The following ZNF654 variants were observed in gnomAD, a reference collection of about 807,000 sequenced individuals.
ZNF654 encodes the protein melanoma-associated antigen.
Under a neutral mutation model 95.3 loss-of-function variants are expected in ZNF654, and 19 were observed. The observed-to-expected ratio is 0.20, with a 90% CI of 0.14 to 0.29. ZNF654 has a LOEUF of 0.29. Ranked by LOEUF, ZNF654 falls within the 10% of genes least tolerant of loss-of-function variation. The pLI, the probability that ZNF654 is intolerant of heterozygous loss-of-function variation, is 1.00. For missense variants in ZNF654, 1,046 were observed against 1,341.0 expected, an observed-to-expected ratio of 0.78 and a Z score of 3.44; for synonymous variants, 413 against 457.9, an observed-to-expected ratio of 0.90 and a Z score of 1.25.
Position 88,129,782 on chromosome 3 carries a change from C to A in ZNF654, c.849C>A (p.Ser283=). ...KTMLALQLCE[S]FLIPQLQNGD... ...TGTTAGCCTTGCAACTCTGTGAATC[C>A]TTTCTTATTCCACAGCTCCAGAATG... Residue 283 remains serine, a synonymous_variant, in exon 6 of 9, where the codon TCC becomes TCA. Coordinates refer to ENST00000636215, the MANE Select transcript of ZNF654 (RefSeq NM_001350134.2). 6.6e-7 allele frequency: 1 copy of A among 1,526,470 alleles called. No homozygotes were observed. The highest frequency in any genetic ancestry group is 8.8e-7 in the Non-Finnish European group (1 of 1,140,472). 94.6% of individuals were successfully genotyped at this position (1,526,470 alleles called of 1,614,324 possible). A position where few individuals can be genotyped will look rare whatever the true frequency, so the allele number is the denominator to read the frequency against.
intron 2 of ZNF654, chr3:88,095,404 C>T: frequency 3.0e-6 from 1 of 329,104 alleles, no homozygotes. Flanking sequence ...GGGATCACCC[C>T]CTTTTAGCCC....
intron 1 of ZNF654, among the ~76,000 whole-genome samples, chr3:88,077,787 C>T (rs1707893674): frequency 1.3e-5 from 2 of 152,246 alleles, no homozygotes; most frequent in South Asian, 2.1e-4. Context: ...TGTCAAATAT[C>T]TTGGTTCAAA....
intron 1 of ZNF654, among the ~76,000 whole-genome samples, chr3:88,065,191 A>T (rs559170863): frequency 1.4e-4 from 21 of 152,364 alleles, no homozygotes; most frequent in African/African-American, 4.8e-4. Context: ...CCCTGGAAAG[A>T]CATCAACTCG....
At chr3:88,074,014 AGTTTTAATTTGAG>A (rs1039108265) in intron 1 of ZNF654, among the ~76,000 whole-genome samples, 4 of 152,296 alleles carry the variant, frequency 2.6e-5, no homozygotes, top group African/African-American at 9.6e-5. Context: ...TTTCCTTTCC[AGTTTTAATTTGAG>A]GTTTTAATTT....
At chr3:88,132,408 G>C (rs1165811652) in intron 6 of ZNF654, among the ~76,000 whole-genome samples, 2 of 152,098 alleles carry the variant, frequency 1.3e-5, no homozygotes, top group Non-Finnish European at 2.9e-5. Context: ...TGCACACATT[G>C]AATAAAGGAA....
chr3:88,074,879 CAGTT>C (rs1288495213), intron 1 of ZNF654, among the ~76,000 whole-genome samples: 3 of 152,102 alleles, frequency 2.0e-5, no homozygotes, highest in Non-Finnish European at 2.9e-5. Flanking sequence ...ACCAGTGTGC[CAGTT>C]AGTTGTGCCA....
intron 1 of ZNF654, 93 bp downstream of exon 1, chr3:88,059,598 C>T (rs1706723962): frequency 7.1e-7 from 1 of 1,415,422 alleles, no homozygotes; most frequent in Non-Finnish European, 9.2e-7. Context: ...GGTCTATGTC[C>T]AGTGCCCGCT....
chr3:88,122,670 T>C (rs1441383682), intron 3 of ZNF654, among the ~76,000 whole-genome samples: 5 of 152,050 alleles, frequency 3.3e-5, no homozygotes, highest in Admixed American at 1.3e-4. Flanking sequence ...AGGATTAAGT[T>C]GATATAGAGG....
At chr3:88,088,275 A>G (rs1027745443) in intron 2 of ZNF654, among the ~76,000 whole-genome samples, 4 of 152,206 alleles carry the variant, frequency 2.6e-5, no homozygotes, top group Non-Finnish European at 4.4e-5. Flanking sequence ...TGGTTTTTAC[A>G]TATTAATGAA....
chr3:88,089,657 C>A (rs999090659), intron 2 of ZNF654, among the ~76,000 whole-genome samples: 1 of 152,086 alleles, frequency 6.6e-6, no homozygotes, highest in East Asian at 1.9e-4. Flanking sequence ...TTTATTCTTT[C>A]AGGGCTGTTG....
chr3:88,127,826 TG>T (rs1015252839), intron 4 of ZNF654, among the ~76,000 whole-genome samples: 2 of 152,180 alleles, frequency 1.3e-5, no homozygotes, highest in Admixed American at 1.3e-4. Context: ...CTCATTGATA[TG>T]GATGACTTTT....
intron 3 of ZNF654, among the ~76,000 whole-genome samples, chr3:88,115,517 T>C (rs902041440): frequency 1.3e-5 from 2 of 152,200 alleles, no homozygotes; most frequent in African/African-American, 4.8e-5. Context: ...GTGAAGGGTA[T>C]GGGTTCTCAA....
At position 88,129,745 on chromosome 3, in the gene ZNF654, A is replaced by C; in HGVS notation, c.812A>C (p.Glu271Ala). The change falls in exon 6 of 9, where the codon GAA becomes GCA. Residue 271 changes from glutamate to alanine, a missense_variant. Glu to Ala is a moderately radical substitution (Grantham distance 107). Around this residue, in one of 9 missense-constraint regions of ZNF654, gnomAD observed 121 missense variants for 141.7 expected, o/e 0.85. Transcript: ENST00000636215. ...GIDIICNAEKEGKTMLALQLC... is the reference protein window; with the variant it reads ...GIDIICNAEKAGKTMLALQLC... ...GATATCATCTGTAATGCTGAAAAAG[A>C]AGGCAAAACTATGTTAGCCTTGCAA... is the stretch of plus-strand genomic sequence containing the variant. 6.5e-7 allele frequency: 1 copy of C among 1,529,066 alleles called. No individual in the cohort carries two copies. Among genetic ancestry groups the C allele is most frequent in the Non-Finnish European group, 8.8e-7 (1 of 1,142,076 alleles). 94.7% of individuals were successfully genotyped at this position (1,529,066 alleles called of 1,614,324 possible). A position where few individuals can be genotyped will look rare whatever the true frequency, so the allele number is the denominator to read the frequency against.
chr3:88,135,151 A>T lies in ZNF654; in HGVS notation c.984A>T (p.Thr328=). 5.4e-6 allele frequency: 8 copies of T among 1,492,640 alleles called. No homozygotes were observed. The highest frequency in any genetic ancestry group is 7.1e-6 in the Non-Finnish European group (8 of 1,126,946). 92.5% of individuals were successfully genotyped at this position (1,492,640 alleles called of 1,614,324 possible). A position where few individuals can be genotyped will look rare whatever the true frequency, so the allele number is the denominator to read the frequency against. Residue 328 remains threonine (T), a synonymous_variant, in exon 7 of 9, where the codon ACA becomes ACT. Coordinates refer to ENST00000636215, the MANE Select transcript of ZNF654 (RefSeq NM_001350134.2). ...FVDQCYQLLR[T]ATNVRVIFPF... ...ATCAATGCTACCAGCTTTTAAGAAC[A>T]GCAACTAATGTGAGAGTCATATTTC...
At chr3:88,094,029 C>T (rs920275406) in intron 2 of ZNF654, among the ~76,000 whole-genome samples, 1 of 151,816 alleles carries the variant, frequency 6.6e-6, no homozygotes, top group African/African-American at 2.4e-5. Context: ...GACATGTGAA[C>T]TTAGTCATTT....
At chr3:88,124,489 CTT>C (rs1156656567) in intron 3 of ZNF654, among the ~76,000 whole-genome samples, 1 of 152,140 alleles carries the variant, frequency 6.6e-6, no homozygotes, top group Non-Finnish European at 1.5e-5. Flanking sequence ...AGTAAAACCT[CTT>C]TTGTATATTT....
chr3:88,119,507 AATGTGCACG>A (rs1391982677), intron 3 of ZNF654, among the ~76,000 whole-genome samples: 1 of 151,168 alleles, frequency 6.6e-6, no homozygotes, highest in Non-Finnish European at 1.5e-5. Context: ...TAACCTGCAC[AATGTGCACG>A]TGTACCCTAA....
rs370256107 is a variant in ZNF654 at position 88,139,291 on chromosome 3, A to G, written c.1622A>G (p.Asn541Ser). ...CTCAGTACTTCCAAAGTAGATCACA[A>G]TGTCCCAAGGCATCGTTGTATGTTA... ...TALSTSKVDH[N>S]VPRHRCMLCN... The change falls in exon 8 of 9, where the codon AAT (asparagine) becomes AGT (serine). Residue 541 changes from asparagine (N) to serine (S), a missense_variant. Physicochemically the swap from Asn to Ser is conservative, Grantham distance 46 (BLOSUM62 1). Transcript: ENST00000636215. 32 of 1,568,406 alleles carry G rather than the reference A, an allele frequency of 2.0e-5. No homozygotes were observed. The highest frequency in any genetic ancestry group is 1.1e-4 in the African/African-American group (8 of 72,938).
intron 3 of ZNF654, among the ~76,000 whole-genome samples, chr3:88,123,420 GTCAAGTATA>G (rs1576325534): frequency 6.6e-6 from 1 of 152,172 alleles, no homozygotes; most frequent in Non-Finnish European, 1.5e-5. Context: ...ATTGGCAAGA[GTCAAGTATA>G]TAATTCATAA....
Sources: gnomAD v4.1 joint callset for allele counts (sites outside exome capture counted in the v4.1 genomes callset) on GRCh38, gnomAD v4.1.1 for gene constraint, gnomAD v4.1.1 regional missense constraint, MANE v1.5 for transcripts, NCBI Gene and HGNC (gene_info 2026-07-23, HGNC 2026-07-21) for gene names.